The following SYN2 variants were observed in gnomAD, a reference collection of about 807,000 sequenced individuals.
SYN2 encodes synapsin II.
In SYN2, 19 loss-of-function variants were observed where a neutral mutation model predicts 50.9. The observed-to-expected ratio is 0.37, with a 90% CI of 0.26 to 0.55. The LOEUF (loss-of-function observed/expected upper bound fraction) is 0.55. SYN2 is among the 20% of genes least tolerant of loss of function. The pLI, the probability that SYN2 is intolerant of heterozygous loss-of-function variation, is 0.81. For missense variants in SYN2, 587 were observed against 576.4 expected (o/e 1.02, Z -0.19); for synonymous variants, 255 against 224.9 (o/e 1.13, Z -1.20).
chr3:12,073,918 T>A (rs1472645926), intron 1 of SYN2, among the ~76,000 whole-genome samples: 7 of 152,166 alleles, frequency 4.6e-5, no homozygotes, highest in Admixed American at 2.6e-4. Context: ...TCTTAATCTA[T>A]CAATTATCTA....
chr3:12,179,887 A>C (rs1488366682), intron 10 of SYN2, among the ~76,000 whole-genome samples: 1 of 152,226 alleles, frequency 6.6e-6, no homozygotes, highest in Non-Finnish European at 1.5e-5. Flanking sequence ...GCATCATTAC[A>C]GACTGACACC....
In SYN2 at chr3:12,029,357, C is replaced by T. The variant is rs1387312342; in HGVS notation, c.377+24429C>T. Among the ~76,000 whole-genome samples the T allele has an allele frequency of 2.5e-4, 32 of 126,882 alleles. 2 individuals are homozygous for T. Among genetic ancestry groups the T allele is most frequent in the African/African-American group, 3.6e-4 (9 of 24,756 alleles). 83.2% of individuals were successfully genotyped at this position (126,882 alleles called of 152,430 possible). A position where few individuals can be genotyped will look rare whatever the true frequency, so the allele number is the denominator to read the frequency against. On this transcript the variant is annotated intron_variant, in intron 1 of 12. Coordinates refer to ENST00000621198, the MANE Select transcript of SYN2 (RefSeq NM_133625.6). ...TTGGCTTAGGATTGACTTGGTGATG[C>T]GGGCTCTTTTTTGCTTCCATATGAA...
intron 1 of SYN2, among the ~76,000 whole-genome samples, chr3:12,013,484 A>G (rs1421669815): frequency 6.6e-6 from 1 of 151,844 alleles, no homozygotes; most frequent in African/African-American, 2.4e-5. Context: ...TTAGTCCAAA[A>G]CTTTGTCCTC....
intron 1 of SYN2, among the ~76,000 whole-genome samples, chr3:12,110,700 T>C (rs1696292713): frequency 6.6e-6 from 1 of 152,210 alleles, no homozygotes; most frequent in South Asian, 2.1e-4. Flanking sequence ...AAACTATTTT[T>C]TCCTCCTAGG....
chr3:12,045,938 A>G (rs1694728468), intron 1 of SYN2, among the ~76,000 whole-genome samples: 1 of 152,234 alleles, frequency 6.6e-6, no homozygotes, highest in Non-Finnish European at 1.5e-5. Flanking sequence ...TGGAGTCAGC[A>G]GAACTGAATT....
At chr3:12,049,844 A>G (rs917364217) in intron 1 of SYN2, among the ~76,000 whole-genome samples, 1 of 152,332 alleles carries the variant, frequency 6.6e-6, no homozygotes, top group South Asian at 2.1e-4. Context: ...AAAAGCAGAA[A>G]CTTTCCAGAG....
intron 12 of SYN2, among the ~76,000 whole-genome samples, chr3:12,189,484 G>A (rs1291064640): frequency 6.6e-6 from 1 of 152,148 alleles, no homozygotes; most frequent in Non-Finnish European, 1.5e-5. Flanking sequence ...TCTGAGGAGG[G>A]TTACAAGGGT....
In SYN2 at chr3:12,045,627, AATCTTCCCAT is replaced by A. The variant is rs933756578; in HGVS notation, c.377+40705_377+40714del. On this transcript the variant is annotated intron_variant, in intron 1 of 12. Transcript: ENST00000621198. ...ACTATGCTGTAGCCCGTAGACAATT[AATCTTCCCAT>A]ATCTTGCATTCCCATAGTCCTTTGC... Among the ~76,000 whole-genome samples the A allele has an allele frequency of 3.9e-5, 6 of 152,256 alleles. No homozygotes were observed. In the East Asian group the frequency reaches 9.6e-4, roughly 24 times the overall value.
chr3:12,039,549 A>ATTTTTTT (rs60746238), intron 1 of SYN2, among the ~76,000 whole-genome samples: 9 of 117,996 alleles, frequency 7.6e-5, no homozygotes, highest in East Asian at 2.8e-4. Context: ...AGAAGCAAAG[A>ATTTTTTT]TTTTTTTTTT....
At chr3:12,064,476 A>G (rs1335600135) in intron 1 of SYN2, among the ~76,000 whole-genome samples, 1 of 152,150 alleles carries the variant, frequency 6.6e-6, no homozygotes, top group Non-Finnish European at 1.5e-5. Flanking sequence ...GGGAAAGTAA[A>G]TAATGTAGCT....
chr3:12,183,860 C>T (rs965513660), intron 11 of SYN2: 1 of 1,024,052 alleles, frequency 9.8e-7, no homozygotes, highest in South Asian at 3.8e-5. Flanking sequence ...CCCCCAAGCT[C>T]AGTTAAATCC....
intron 1 of SYN2, among the ~76,000 whole-genome samples, chr3:12,100,116 T>C (rs1214657361): frequency 2.6e-5 from 4 of 152,144 alleles, no homozygotes; most frequent in Admixed American, 6.5e-5. Context: ...GTGCAGTTTT[T>C]TATTGCAGAA....
At chr3:12,152,122 G>A (rs918396261) in intron 5 of SYN2, among the ~76,000 whole-genome samples, 29 of 152,206 alleles carry the variant, frequency 1.9e-4, no homozygotes, top group Middle Eastern at 3.4e-3. Flanking sequence ...GTTTGTGCCC[G>A]CCTCCCCACT....
At chr3:12,059,612 G>A (rs1695071745) in intron 1 of SYN2, among the ~76,000 whole-genome samples, 1 of 152,008 alleles carries the variant, frequency 6.6e-6, no homozygotes. Context: ...AGGGACATAC[G>A]TTAAGATGTT....
At chr3:12,155,105 C>A (rs1697417571) in intron 5 of SYN2, among the ~76,000 whole-genome samples, 1 of 67,824 alleles carries the variant, frequency 1.5e-5, no homozygotes, top group Non-Finnish European at 3.5e-5. Flanking sequence ...CTTTCAGTGC[C>A]ACCTCAAAGC....
chr3:12,190,131 C>A (rs905767079), intron 12 of SYN2, among the ~76,000 whole-genome samples: 1 of 152,164 alleles, frequency 6.6e-6, no homozygotes, highest in African/African-American at 2.4e-5. Context: ...ATGTGAGATT[C>A]CTAGGTTAGT....
chr3:12,055,240 T>TC (rs1455950660), intron 1 of SYN2, among the ~76,000 whole-genome samples: 1 of 152,050 alleles, frequency 6.6e-6, no homozygotes, highest in Non-Finnish European at 1.5e-5. Context: ...TCTTAAAAAT[T>TC]CCCCATGTAT....
intron 1 of SYN2, among the ~76,000 whole-genome samples, chr3:12,085,108 TAAAA>T (rs61355688): frequency 0.71 from 105,483 of 148,856 alleles, 38,479 homozygotes; most frequent in East Asian, 0.8. Context: ...GCTGACTGGG[TAAAA>T]AAAAAAAAAA....
At chr3:12,134,071 G>T in intron 1 of SYN2, among the ~76,000 whole-genome samples, 1 of 151,930 alleles carries the variant, frequency 6.6e-6, no homozygotes, top group East Asian at 1.9e-4. Context: ...AAGTGTATAC[G>T]TAAAAGTGGT....
Sources: allele counts gnomAD v4.1 joint callset (sites outside exome capture counted in the v4.1 genomes callset), GRCh38; gene constraint gnomAD v4.1.1; transcripts MANE v1.5; gene names NCBI Gene and HGNC (gene_info 2026-07-23, HGNC 2026-07-21).